DHX40: variants seen among roughly 807,000 people sequenced by gnomAD.
The protein encoded by DHX40 is DEAH-box helicase 40.
A neutral mutation model predicts 89.6 loss-of-function variants in DHX40; 28 were observed. The observed-to-expected ratio is 0.31, with a 90% CI of 0.23 to 0.43. DHX40 has a LOEUF of 0.43. Among genes scored for constraint, DHX40 ranks in the 20% least tolerant of loss-of-function variants. The probability of loss-of-function intolerance (pLI) is 1.00; values close to 1 mark genes in which losing one functional copy is unlikely to be tolerated. For synonymous variants in DHX40, 226 were observed against 283.6 expected, an observed-to-expected ratio of 0.80 and a Z score of 2.04; for missense variants, 457 against 844.0, an observed-to-expected ratio of 0.54 and a Z score of 5.68.
intron 10 of DHX40, among the ~76,000 whole-genome samples, chr17:59,581,096 A>C (rs1207102191): frequency 2.0e-5 from 3 of 150,448 alleles, no homozygotes; most frequent in African/African-American, 5.0e-5. Flanking sequence ...AAAACAAAAC[A>C]AAACAAAAGG....
intron 10 of DHX40, among the ~76,000 whole-genome samples, chr17:59,581,113 A>T (rs1417727781): frequency 6.7e-6 from 1 of 149,786 alleles, no homozygotes; most frequent in Non-Finnish European, 1.5e-5. Context: ...AAGGGTATAC[A>T]GTTGGAAAGT....
chr17:59,587,886 T>C lies in DHX40; in HGVS notation c.1425-10T>C. On this transcript the variant is annotated splice_polypyrimidine_tract_variant and intron_variant, in intron 11 of 17. Transcript: ENST00000251241. ...GTAGAAAGACTTACAAACTTTTTCT[T>C]TGTATTAAGGAGTGGCCATGTCACC... The C allele has an allele frequency of 6.2e-7, 1 of 1,605,190 alleles. No individual in the cohort carries two copies. The highest frequency in any genetic ancestry group is 1.7e-5 in the Admixed American group (1 of 58,620).
Position 59,586,139 on chromosome 17 carries a change from A to ATGT in DHX40, c.1344-13_1344-12insGTT, listed in dbSNP as rs2048992519. On this transcript the variant is annotated splice_polypyrimidine_tract_variant and intron_variant, in intron 10 of 17. Coordinates refer to ENST00000251241, the MANE Select transcript of DHX40 (RefSeq NM_024612.5). ...AGGAATGCCTCTCACTTCATATCTC[A>ATGT]TTTAAACACACAGGTTTCCCTATTT... 1 of 1,568,370 alleles carries ATGT rather than the reference A, an allele frequency of 6.4e-7. No homozygotes were observed. The highest frequency in any genetic ancestry group is 2.3e-5 in the East Asian group (1 of 44,032).
rs954769716 is a variant in DHX40 at position 59,607,168 on chromosome 17, G to T, written c.2336G>T (p.Gly779Val). ...CACAGTGACACACGAAAGGAAACAG[G>T]CTAAGGTGGTGAACCCTCCAATTCA... ...QDHSDTRKET[G>V] Residue 779 changes from glycine to valine, a missense_variant, in exon 18 of 18, where the codon GGC becomes GTC. Coordinates refer to ENST00000251241, the MANE Select transcript of DHX40 (RefSeq NM_024612.5). 2 of 1,614,210 alleles carry T rather than the reference G, an allele frequency of 1.2e-6. No individual in the cohort carries two copies. Among genetic ancestry groups the T allele is most frequent in the East Asian group, 2.2e-5 (1 of 44,880 alleles).
intron 1 of DHX40, 48 bp from the exon 2 acceptor site, chr17:59,566,579 A>C: frequency 2.0e-6 from 3 of 1,510,754 alleles, no homozygotes. Context: ...ATTGAGTCAG[A>C]GATATCTTTA....
intron 11 of DHX40, among the ~76,000 whole-genome samples, 197 bp from the exon 12 acceptor site, chr17:59,587,699 C>T (rs990300923): frequency 5.3e-5 from 8 of 151,884 alleles, no homozygotes. Flanking sequence ...CTCAGGTGAT[C>T]CACCTGCCTC....
intron 2 of DHX40, among the ~76,000 whole-genome samples, chr17:59,568,750 C>T (rs1265340790): frequency 1.3e-5 from 2 of 151,734 alleles, no homozygotes; most frequent in Non-Finnish European, 2.9e-5. Flanking sequence ...TAAAGAGGGA[C>T]TACTGTATTA....
intron 3 of DHX40, among the ~76,000 whole-genome samples, chr17:59,571,819 C>T (rs1297773727): frequency 6.6e-6 from 1 of 152,098 alleles, no homozygotes; most frequent in East Asian, 1.9e-4. Context: ...GATCTGCCCA[C>T]CTCGGCCTCC....
At chr17:59,565,923 C>A in intron 1 of DHX40, 140 bp downstream of exon 1, 1 of 688,236 alleles carries the variant, frequency 1.5e-6, no homozygotes, top group Non-Finnish European at 2.2e-6. Flanking sequence ...AAGCCCGAGG[C>A]GAACTTTGCG....
At position 59,566,764 on chromosome 17, in the gene DHX40, A is replaced by C; in HGVS notation, c.250A>C (p.Thr84Pro). ...VTGNTGSGKT[T>P]QLPKYLYEAG... The stretch of plus-strand genomic sequence containing the variant: ...TGGAAATACAGGAAGTGGTAAAACA[A>C]CTCAACTCCCAAAATATCTATATGA... The change falls in exon 2 of 18, where the codon ACT becomes CCT. Residue 84 changes from threonine (T) to proline (P), a missense_variant. Transcript: ENST00000251241. 1 of 1,587,408 alleles carries C rather than the reference A, an allele frequency of 6.3e-7. No homozygotes were observed. Among genetic ancestry groups the C allele is most frequent in the African/African-American group, 1.4e-5 (1 of 73,060 alleles).
intron 3 of DHX40, 94 bp downstream of exon 3, chr17:59,570,757 C>T: frequency 7.8e-7 from 1 of 1,285,894 alleles, no homozygotes; most frequent in Non-Finnish European, 1.0e-6. Context: ...AATCATGGCT[C>T]TCTGTAGCCT....
At chr17:59,594,717 C>T (rs867126728) in intron 12 of DHX40, among the ~76,000 whole-genome samples, 2 of 152,078 alleles carry the variant, frequency 1.3e-5, no homozygotes, top group Admixed American at 6.6e-5. Context: ...TAGAGGACTG[C>T]GTAGGCTGTC....
rs116877940 is a variant in DHX40 at position 59,586,696 on chromosome 17, G to A, written c.1424+463G>A. 1.1e-3 allele frequency among the ~76,000 whole-genome samples: 173 copies of A among 151,386 alleles called. 5 individuals are homozygous for A. The East Asian group carries it at 0.026, about 23-fold the overall frequency. On this transcript the variant is annotated intron_variant, in intron 11 of 17. Coordinates refer to ENST00000251241, the MANE Select transcript of DHX40 (RefSeq NM_024612.5). ...AAAAAAAAGGAGAAAGAAACTGCACGGTATAATCCCTTTTGTTTAATAAAT... is the reference window on the plus strand; with the variant it reads ...AAAAAAAAGGAGAAAGAAACTGCACAGTATAATCCCTTTTGTTTAATAAAT...
chr17:59,602,473 T>G, intron 14 of DHX40, 49 bp from the exon 15 acceptor site: 1 of 1,454,720 alleles, frequency 6.9e-7, no homozygotes, highest in South Asian at 1.3e-5. Flanking sequence ...AAAAGATTAT[T>G]TCAAATTGTA....
At chr17:59,586,399 A>G (rs1480443308) in intron 11 of DHX40, among the ~76,000 whole-genome samples, 166 bp downstream of exon 11, 1 of 152,120 alleles carries the variant, frequency 6.6e-6, no homozygotes, top group African/African-American at 2.4e-5. Context: ...GCTGTGGCTC[A>G]TACCTGTAAT....
rs750517648 is a variant in DHX40, at chr17:59,565,733, C to T, written c.62C>T (p.Ser21Leu). 2 of 1,605,138 alleles carry T rather than the reference C, an allele frequency of 1.2e-6. No individual in the cohort carries two copies. The highest frequency in any genetic ancestry group is 1.7e-6 in the Non-Finnish European group (2 of 1,179,616). ...AGGCGGCAGGAGGAGGGTGAGCGGT[C>T]AAGAGACCTCCAGGAAGAGCGGCTC... ...APRRQEEGERSRDLQEERLSA... is the reference protein window; with the variant it reads ...APRRQEEGERLRDLQEERLSA... The change falls in exon 1 of 18, where the codon TCA (serine) becomes TTA (leucine). Residue 21 changes from serine to leucine, a missense_variant. This residue lies in a region of DHX40 where 75 missense variants were observed against 76.8 expected (regional missense o/e 0.98). Transcript: ENST00000251241.
intron 3 of DHX40, among the ~76,000 whole-genome samples, chr17:59,572,168 C>G (rs1483507521): frequency 6.6e-6 from 1 of 152,096 alleles, no homozygotes; most frequent in African/African-American, 2.4e-5. Flanking sequence ...ATTTCTTAAT[C>G]CTGTCCAGCT....
intron 11 of DHX40, among the ~76,000 whole-genome samples, chr17:59,587,020 G>C (rs1022774340): frequency 6.6e-6 from 1 of 151,916 alleles, no homozygotes; most frequent in Admixed American, 6.6e-5. Flanking sequence ...GATGGTGTTG[G>C]CACATGCCAG....
intron 3 of DHX40, among the ~76,000 whole-genome samples, chr17:59,572,362 G>C (rs1446480945): frequency 1.3e-5 from 2 of 152,066 alleles, no homozygotes; most frequent in Non-Finnish European, 1.5e-5. Context: ...TTCTCACCCT[G>C]TTTTAATGCT....
Sources: gnomAD v4.1 joint callset for allele counts (sites outside exome capture counted in the v4.1 genomes callset) on GRCh38, gnomAD v4.1.1 for gene constraint, gnomAD v4.1.1 regional missense constraint, MANE v1.5 for transcripts, NCBI Gene and HGNC (gene_info 2026-07-23, HGNC 2026-07-21) for gene names.